Variants in NARS2 observed in about 807,000 individuals in gnomAD.
NARS2 encodes the protein asparaginyl-tRNA synthetase.
NARS2 carries 60 observed loss-of-function variants against 62.9 expected under a neutral mutation model. That is an observed-to-expected ratio of 0.95 (90% CI 0.77 to 1.18). The LOEUF is 1.18. Among genes scored for constraint, NARS2 ranks in the 50% most tolerant of loss-of-function variants. The pLI is 0.00. For synonymous variants in NARS2, 196 were observed against 200.0 expected, an observed-to-expected ratio of 0.98 and a Z score of 0.17; for missense variants, 619 against 576.4, an observed-to-expected ratio of 1.07 and a Z score of -0.76.
rs10751296 is a variant in NARS2 at position 78,566,231 on chromosome 11, A to G, written c.414T>C (p.Tyr138=). 0.76 allele frequency: 1,226,258 copies of G among 1,609,114 alleles called. 471,876 individuals carry two copies. Among genetic ancestry groups the G allele is most frequent in the Non-Finnish European group, 0.8 (941,096 of 1,177,004 alleles). The part of the protein sequence containing the change: ...IKYKERHPLE[Y]LRQYPHFRCR... Reference sequence around the variant, plus strand: ...ACCTAAAGTGAGGATATTGTCGCAGATACTCCAGAGGATGCCTCTCTTTAT... The same window carrying G: ...ACCTAAAGTGAGGATATTGTCGCAGGTACTCCAGAGGATGCCTCTCTTTAT... The change falls in exon 4 of 14, where the codon TAT becomes TAC. Residue 138 remains tyrosine (Y), a synonymous_variant. Transcript: ENST00000281038.
At chr11:78,474,924 AG>A (rs1859024771) in intron 9 of NARS2, among the ~76,000 whole-genome samples, 1 of 149,746 alleles carries the variant, frequency 6.7e-6, no homozygotes, top group Non-Finnish European at 1.5e-5. Context: ...TTTTTTTTGC[AG>A]TGAGAAGATT....
intron 1 of NARS2, among the ~76,000 whole-genome samples, chr11:78,572,837 T>C (rs905190047): frequency 3.7e-4 from 56 of 152,282 alleles, no homozygotes; most frequent in African/African-American, 1.1e-3. Context: ...TAAAAACATA[T>C]TGAGATATTT....
At chr11:78,569,713 G>C (rs1279349568) in intron 2 of NARS2, among the ~76,000 whole-genome samples, 1 of 152,220 alleles carries the variant, frequency 6.6e-6, no homozygotes, top group Middle Eastern at 3.4e-3. Context: ...GGTAATTTGA[G>C]ATGCTCTGAC....
rs779866664 is a variant in NARS2, at chr11:78,540,660, T to TA, written c.595-11725dup. ...AAAGATGAAGCATGGTTCAGAAATTTAAAAGGTTTAAAATCATAATGGCAT... is the reference window on the plus strand; with the variant it reads ...AAAGATGAAGCATGGTTCAGAAATTTAAAAAGGTTTAAAATCATAATGGCAT... On this transcript the variant is annotated intron_variant, in intron 5 of 13. Coordinates refer to ENST00000281038, the MANE Select transcript of NARS2 (RefSeq NM_024678.6). 2.0e-5 allele frequency among the ~76,000 whole-genome samples: 3 copies of TA among 152,216 alleles called. No individual in the cohort carries two copies. The South Asian group carries it at 6.2e-4, about 32-fold the overall frequency.
At chr11:78,526,198 C>G (rs1400532745) in intron 6 of NARS2, among the ~76,000 whole-genome samples, 2 of 152,036 alleles carry the variant, frequency 1.3e-5, no homozygotes, top group Admixed American at 6.6e-5. Context: ...ATGGGGGAAA[C>G]TGGATAGAGA....
At chr11:78,548,967 A>G (rs576296762) in intron 5 of NARS2, among the ~76,000 whole-genome samples, 2 of 152,308 alleles carry the variant, frequency 1.3e-5, no homozygotes, top group East Asian at 3.9e-4. Context: ...CAGCTTGGCA[A>G]GACAGAAACT....
chr11:78,483,074 G>A lies in NARS2; in HGVS notation c.823-4391C>T, dbSNP rs145676401. ...GTCAGCTTCATCCCTGGGATGCAAG[G>A]CGGGTTCAACATACACAAATCAATA... On this transcript the variant is annotated intron_variant, in intron 7 of 13. Transcript: ENST00000281038. Among the ~76,000 whole-genome samples, 690 of 152,232 alleles carry A rather than the reference G, an allele frequency of 4.5e-3. 6 individuals carry two copies. The highest frequency in any genetic ancestry group is 0.017 in the Middle Eastern group (5 of 294).
At chr11:78,456,128 A>G (rs1858155357) in intron 11 of NARS2, among the ~76,000 whole-genome samples, 1 of 152,152 alleles carries the variant, frequency 6.6e-6, no homozygotes, top group African/African-American at 2.4e-5. Context: ...ACTTTTAATA[A>G]TGAAGATTCC....
intron 7 of NARS2, among the ~76,000 whole-genome samples, chr11:78,488,968 T>C (rs1859695562): frequency 6.6e-6 from 1 of 152,072 alleles, no homozygotes; most frequent in South Asian, 2.1e-4. Flanking sequence ...TGTCTAACGT[T>C]ACACAAAAAT....
intron 6 of NARS2, among the ~76,000 whole-genome samples, chr11:78,521,142 T>C (rs1861104504): frequency 6.6e-6 from 1 of 150,814 alleles, no homozygotes; most frequent in East Asian, 1.9e-4. Flanking sequence ...ATTATATCAA[T>C]TTGTTTTCTT....
At chr11:78,527,120 C>T (rs1399380021) in intron 6 of NARS2, among the ~76,000 whole-genome samples, 1 of 152,184 alleles carries the variant, frequency 6.6e-6, no homozygotes, top group Non-Finnish European at 1.5e-5. Flanking sequence ...AAGAGATAAT[C>T]CCAAAGTTTA....
chr11:78,463,753 C>T (rs1240540887), intron 11 of NARS2, among the ~76,000 whole-genome samples: 3 of 106,964 alleles, frequency 2.8e-5, no homozygotes, highest in South Asian at 3.3e-4. Flanking sequence ...GGACAAGAAA[C>T]GGTAAAGGGA....
At chr11:78,451,279 A>G (rs1368028379) in intron 11 of NARS2, among the ~76,000 whole-genome samples, 1 of 152,242 alleles carries the variant, frequency 6.6e-6, no homozygotes, top group Non-Finnish European at 1.5e-5. Context: ...CTCTTTAGTT[A>G]GGATTGAAAT....
intron 7 of NARS2, among the ~76,000 whole-genome samples, chr11:78,489,636 T>A (rs1591196091): frequency 6.6e-6 from 1 of 152,088 alleles, no homozygotes; most frequent in African/African-American, 2.4e-5. Context: ...TGGAAACCAA[T>A]CCCTTCTGGA....
At chr11:78,505,777 T>C (rs76552732) in intron 6 of NARS2, among the ~76,000 whole-genome samples, 2,139 of 152,150 alleles carry the variant, frequency 0.014, 42 homozygotes, top group African/African-American at 0.049. Flanking sequence ...ATAAAATCCC[T>C]AGGAAAAAAC....
At position 78,574,520 on chromosome 11, in the gene NARS2, G is replaced by A. The variant is rs770309509; in HGVS notation, c.-32C>T. ...TCCGCCCAGGCCCTCCGCGGGAGCAGCCCAGACCCCACGGTTCGAACCCCG... is the reference window on the plus strand; with the variant it reads ...TCCGCCCAGGCCCTCCGCGGGAGCAACCCAGACCCCACGGTTCGAACCCCG... On this transcript the variant is annotated 5_prime_UTR_variant, in exon 1 of 14. Transcript: ENST00000281038. 10 of 1,574,958 alleles carry A rather than the reference G, an allele frequency of 6.3e-6. No individual in the cohort carries two copies. In the East Asian group the frequency reaches 1.4e-4, roughly 22 times the overall value.
chr11:78,439,854 T>C (rs1857522220), intron 13 of NARS2, among the ~76,000 whole-genome samples: 1 of 152,042 alleles, frequency 6.6e-6, no homozygotes, highest in Admixed American at 6.6e-5. Flanking sequence ...AAAATGTATA[T>C]ATATTGAAAA....
chr11:78,484,012 AAAC>A (rs1360036380), intron 7 of NARS2, among the ~76,000 whole-genome samples: 1 of 152,230 alleles, frequency 6.6e-6, no homozygotes, highest in Admixed American at 6.5e-5. Flanking sequence ...ACAGTAATCA[AAAC>A]AACATGGTAC....
intron 6 of NARS2, among the ~76,000 whole-genome samples, chr11:78,493,840 C>T (rs571466160): frequency 6.6e-6 from 1 of 152,260 alleles, no homozygotes; most frequent in South Asian, 2.1e-4. Flanking sequence ...CTACATTTCA[C>T]AGCAATCAAG....
Sources: allele counts gnomAD v4.1 joint callset (sites outside exome capture counted in the v4.1 genomes callset), GRCh38; gene constraint gnomAD v4.1.1; transcripts MANE v1.5; gene names NCBI Gene and HGNC (gene_info 2026-07-23, HGNC 2026-07-21).